SPOCK3: variants seen among roughly 807,000 people sequenced by gnomAD.
SPOCK3 encodes SPARC (osteonectin), cwcv and kazal like domains proteoglycan 3.
SPOCK3 carries 30 observed loss-of-function variants against 56.6 expected under a neutral mutation model. That is an observed-to-expected ratio of 0.53 (90% CI 0.40 to 0.72). The LOEUF is 0.72. Ranked by LOEUF, SPOCK3 falls within the 30% of genes least tolerant of loss-of-function variation. The probability of loss-of-function intolerance (pLI) is 0.00; values close to 1 mark genes in which losing one functional copy is unlikely to be tolerated. For synonymous variants in SPOCK3, 196 were observed against 183.3 expected (o/e 1.07, Z -0.56); for missense variants, 527 against 530.0 (o/e 0.99, Z 0.06).
At chr4:166,970,515 G>T (rs781778628) in intron 4 of SPOCK3, among the ~76,000 whole-genome samples, 8 of 152,064 alleles carry the variant, frequency 5.3e-5, no homozygotes, top group Non-Finnish European at 1.0e-4. Context: ...CCTGAATTCA[G>T]TAGTTCAAGA....
chr4:167,009,974 C>G (rs920723667), intron 3 of SPOCK3, among the ~76,000 whole-genome samples: 1 of 151,536 alleles, frequency 6.6e-6, no homozygotes, highest in Non-Finnish European at 1.5e-5. Context: ...GATTAACAAC[C>G]CTAGCCTTCA....
intron 6 of SPOCK3, among the ~76,000 whole-genome samples, chr4:166,841,901 T>C (rs774862194): frequency 2.0e-5 from 3 of 152,212 alleles, no homozygotes; most frequent in Non-Finnish European, 4.4e-5. Context: ...CGATGAGTGT[T>C]ACAGTTTTTA....
chr4:167,220,078 G>A (rs764111879), intron 2 of SPOCK3, among the ~76,000 whole-genome samples: 1 of 152,008 alleles, frequency 6.6e-6, no homozygotes, highest in Non-Finnish European at 1.5e-5. Context: ...TACTAGGACA[G>A]AGATTGCTTG....
intron 4 of SPOCK3, among the ~76,000 whole-genome samples, chr4:166,967,578 C>G (rs915522328): frequency 6.6e-6 from 1 of 152,284 alleles, no homozygotes; most frequent in South Asian, 2.1e-4. Context: ...TCCCCTTCAG[C>G]CTTCCACCAT....
chr4:166,754,921 T>C lies in SPOCK3; in HGVS notation c.710-192A>G, dbSNP rs371283828. On this transcript the variant is annotated intron_variant, in intron 7 of 10. Transcript: ENST00000357545. ...TAGTAGTATCTACATTTCAGGATAG[T>C]TGTGAGAATTAATTAACCAGAAAGC... Among the ~76,000 whole-genome samples, 18 of 152,172 alleles carry C rather than the reference T, an allele frequency of 1.2e-4. No individual in the cohort carries two copies. In the South Asian group the frequency reaches 1.5e-3, roughly 12 times the overall value.
intron 7 of SPOCK3, among the ~76,000 whole-genome samples, chr4:166,781,508 A>G (rs968206235): frequency 8.5e-5 from 13 of 152,114 alleles, no homozygotes; most frequent in African/African-American, 3.1e-4. Flanking sequence ...ACAGAACTTA[A>G]TAGAGCTGTG....
chr4:166,856,014 C>G (rs1258935349), intron 6 of SPOCK3, among the ~76,000 whole-genome samples: 1 of 151,976 alleles, frequency 6.6e-6, no homozygotes, highest in Non-Finnish European at 1.5e-5. Flanking sequence ...GTGACAGGTA[C>G]AGAAAGACAA....
intron 6 of SPOCK3, among the ~76,000 whole-genome samples, chr4:166,861,535 TGAGCA>T (rs1731244616): frequency 6.6e-6 from 1 of 152,156 alleles, no homozygotes; most frequent in Admixed American, 6.6e-5. Flanking sequence ...AAGAGTGCCT[TGAGCA>T]ATACGTTTGT....
intron 6 of SPOCK3, among the ~76,000 whole-genome samples, chr4:166,885,436 A>G (rs184452304): frequency 1.7e-4 from 24 of 139,958 alleles, no homozygotes; most frequent in African/African-American, 6.0e-4. Flanking sequence ...ACATTTTCAT[A>G]TGTTTGACTC....
chr4:166,796,893 T>C (rs1211103225), intron 6 of SPOCK3, among the ~76,000 whole-genome samples: 1 of 152,202 alleles, frequency 6.6e-6, no homozygotes, highest in Non-Finnish European at 1.5e-5. Flanking sequence ...AAGGCTTAAG[T>C]TGGCTCCAAT....
intron 2 of SPOCK3, among the ~76,000 whole-genome samples, chr4:167,129,158 C>T (rs901984000): frequency 4.6e-5 from 7 of 152,224 alleles, no homozygotes; most frequent in Admixed American, 3.3e-4. Flanking sequence ...GCATCACCCA[C>T]AAAGACTTCA....
At chr4:166,966,069 T>C (rs904990890) in intron 4 of SPOCK3, among the ~76,000 whole-genome samples, 7 of 152,112 alleles carry the variant, frequency 4.6e-5, no homozygotes, top group East Asian at 1.9e-4. Flanking sequence ...TTTTCCAGAA[T>C]GTCATATAGT....
At chr4:167,153,935 C>A (rs546694010) in intron 2 of SPOCK3, among the ~76,000 whole-genome samples, 2 of 151,732 alleles carry the variant, frequency 1.3e-5, no homozygotes, top group African/African-American at 4.8e-5. Flanking sequence ...ACTGTCAGAG[C>A]CTTCCTTTCC....
chr4:166,938,526 A>T (rs1266885613), intron 4 of SPOCK3, among the ~76,000 whole-genome samples: 1 of 152,184 alleles, frequency 6.6e-6, no homozygotes, highest in Non-Finnish European at 1.5e-5. Flanking sequence ...AAAGCACATA[A>T]GTACAAAGTT....
chr4:167,198,649 T>C (rs1469864017), intron 2 of SPOCK3, among the ~76,000 whole-genome samples: 2 of 152,172 alleles, frequency 1.3e-5, no homozygotes, highest in Non-Finnish European at 2.9e-5. Context: ...TTTCTTTTAT[T>C]TTGTAACGCT....
chr4:166,919,411 T>C (rs1738240421), intron 4 of SPOCK3, among the ~76,000 whole-genome samples: 1 of 152,312 alleles, frequency 6.6e-6, no homozygotes, highest in Non-Finnish European at 1.5e-5. Context: ...TTTTAAGTGG[T>C]GGGCATATTC....
intron 2 of SPOCK3, among the ~76,000 whole-genome samples, chr4:167,068,681 G>A (rs1756390732): frequency 1.3e-5 from 2 of 151,750 alleles, no homozygotes; most frequent in South Asian, 2.1e-4. Context: ...ATCTTCCAGT[G>A]TCATATCAGA....
chr4:167,089,212 T>C (rs1172311809), intron 2 of SPOCK3, among the ~76,000 whole-genome samples: 1 of 152,034 alleles, frequency 6.6e-6, no homozygotes, highest in Non-Finnish European at 1.5e-5. Context: ...ATACAACTGT[T>C]AATAAAAAAA....
intron 7 of SPOCK3, among the ~76,000 whole-genome samples, chr4:166,763,010 T>C (rs1430830836): frequency 1.3e-5 from 2 of 152,090 alleles, no homozygotes; most frequent in Non-Finnish European, 2.9e-5. Flanking sequence ...ACTTACATCT[T>C]TTTGAATTTG....
Sources: gnomAD v4.1 joint callset for allele counts (sites outside exome capture counted in the v4.1 genomes callset) on GRCh38, gnomAD v4.1.1 for gene constraint, MANE v1.5 for transcripts, NCBI Gene and HGNC (gene_info 2026-07-23, HGNC 2026-07-21) for gene names.